Variants in RIT1 observed in about 807,000 individuals in gnomAD.
RIT1 encodes the protein Ras like without CAAX 1, also known as GTP-binding protein Rit1.
Under a neutral mutation model 25.6 loss-of-function variants are expected in RIT1, and 6 were observed. The observed-to-expected ratio is 0.23, with a 90% CI of 0.13 to 0.46. RIT1 has a LOEUF of 0.46. Ranked by LOEUF, RIT1 falls within the 20% of genes least tolerant of loss-of-function variation. RIT1 has a pLI of 0.99. For synonymous variants in RIT1, 81 were observed against 94.1 expected (o/e 0.86, Z 0.80); for missense variants, 219 against 284.4 (o/e 0.77, Z 1.65).
In RIT1 at chr1:155,900,152, C is replaced by T. The variant is rs756274380; in HGVS notation, c.*236G>A. 3.8e-5 allele frequency: 19 copies of T among 497,996 alleles called. No individual in the cohort carries two copies. Among genetic ancestry groups the T allele is most frequent in the Middle Eastern group, 5.2e-4 (1 of 1,926 alleles). 30.8% of individuals were successfully genotyped at this position (497,996 alleles called of 1,614,324 possible). A position where few individuals can be genotyped will look rare whatever the true frequency, so the allele number is the denominator to read the frequency against. On this transcript the variant is annotated 3_prime_UTR_variant, in exon 6 of 6. Transcript: ENST00000368323. The stretch of plus-strand genomic sequence containing the variant: ...ATTAATAGCGCAACAGAACCCAAAA[C>T]ATTGGTAGAACAAATTCTAATGTGA...
In RIT1 at chr1:155,910,378, T is replaced by C. The variant is rs188463470; in HGVS notation, c.163+72A>G. ...AAAAAAGCCTCAAAATATAAATAGT[T>C]AGAAACTACTGATATTCATTAAGAT... On this transcript the variant is annotated intron_variant, in intron 3 of 5. Transcript: ENST00000368323. The C allele has an allele frequency of 1.6e-4, 210 of 1,304,110 alleles. 2 individuals are homozygous for C. In the African/African-American group the frequency reaches 2.8e-3, roughly 17 times the overall value. The allele number at this position is 1,304,110 out of a possible 1,614,324, so 80.8% of individuals were successfully genotyped here. A position where few individuals can be genotyped will look rare whatever the true frequency, so the allele number is the denominator to read the frequency against.
chr1:155,902,290 GCTA>G (rs1195545822), intron 5 of RIT1, among the ~76,000 whole-genome samples: 1 of 151,162 alleles, frequency 6.6e-6, no homozygotes, highest in Middle Eastern at 3.2e-3. Context: ...TTCTACAAAT[GCTA>G]CTGAAAAAAA....
rs551536699 is a variant in RIT1 at position 155,898,295 on chromosome 1, T to A, written c.*2093A>T. 10 of 152,024 alleles carry A rather than the reference T, an allele frequency of 6.6e-5. No homozygotes were observed. The highest frequency in any genetic ancestry group is 2.4e-4 in the African/African-American group (10 of 41,434). The allele number at this position is 152,024 out of a possible 1,614,324, so 9.4% of individuals were successfully genotyped here. On this transcript the variant is annotated 3_prime_UTR_variant, in exon 6 of 6. Coordinates refer to ENST00000368323, the MANE Select transcript of RIT1 (RefSeq NM_006912.6). ...TAAAAACACCGATTTGTTATTTTCC[T>A]TATATATAATCCAAATTCCTTTCTA...
intron 3 of RIT1, among the ~76,000 whole-genome samples, chr1:155,907,403 C>G (rs1673467582): frequency 6.6e-6 from 1 of 152,048 alleles, no homozygotes; most frequent in Non-Finnish European, 1.5e-5. Flanking sequence ...GTAACACGCC[C>G]AGCTAATTTT....
chr1:155,900,104 T>C lies in RIT1; in HGVS notation c.*284A>G. 2.5e-6 allele frequency: 1 copy of C among 406,540 alleles called. No homozygotes were observed. Among genetic ancestry groups the C allele is most frequent in the Admixed American group, 4.2e-5 (1 of 23,694 alleles). 25.2% of individuals were successfully genotyped at this position (406,540 alleles called of 1,614,324 possible). A position where few individuals can be genotyped will look rare whatever the true frequency, so the allele number is the denominator to read the frequency against. ...AACACACATGGTATACATATTCTCC[T>C]GGGTATAAACAAATTTACATTAATT... is the stretch of plus-strand genomic sequence containing the variant. On this transcript the variant is annotated 3_prime_UTR_variant, in exon 6 of 6. Transcript: ENST00000368323.
At chr1:155,905,645 CATT>C (rs1272651918) in intron 3 of RIT1, among the ~76,000 whole-genome samples, 1 of 151,976 alleles carries the variant, frequency 6.6e-6, no homozygotes, top group East Asian at 1.9e-4. Context: ...ATGAAGTAGG[CATT>C]ATTACCTCCA....
chr1:155,904,406 G>A lies in RIT1; in HGVS notation c.334C>T (p.Arg112Cys), dbSNP rs375724784. ...CGATAAATAAGCTGTTTAAACTCAC[G>A]AACTTCATGGAAACTTCGACGATCC... ...ITDRRSFHEV[R>C]EFKQLIYRVR... is the part of the protein sequence containing the mutation. The change falls in exon 5 of 6, where the codon CGT becomes TGT. Residue 112 changes from arginine to cysteine, a missense_variant. Physicochemically the swap from Arg to Cys is radical, Grantham distance 180 (BLOSUM62 -3). This residue lies in a region of RIT1 where 131 missense variants were observed against 173.6 expected (regional missense o/e 0.75). Coordinates refer to ENST00000368323, the MANE Select transcript of RIT1 (RefSeq NM_006912.6). 8.7e-6 allele frequency: 14 copies of A among 1,613,750 alleles called. 1 individual carries two copies. The highest frequency in any genetic ancestry group is 5.5e-5 in the South Asian group (5 of 91,074).
chr1:155,904,272 G>C (rs1387892624), intron 5 of RIT1, 39 bp downstream of exon 5: 1 of 1,403,866 alleles, frequency 7.1e-7, no homozygotes, highest in Non-Finnish European at 9.9e-7. Context: ...ATGACTAATT[G>C]TATAAGATTA....
At chr1:155,908,589 G>A (rs1280948341) in intron 3 of RIT1, among the ~76,000 whole-genome samples, 29 of 141,182 alleles carry the variant, frequency 2.1e-4, no homozygotes, top group Non-Finnish European at 1.5e-5. Context: ...TGAGACAAAA[G>A]CTTGCTCTTA....
rs1263958407 is a variant in RIT1, at chr1:155,910,876, A to G, written c.-43-72T>C. On this transcript the variant is annotated intron_variant, in intron 1 of 5. Coordinates refer to ENST00000368323, the MANE Select transcript of RIT1 (RefSeq NM_006912.6). ...GCGACAGCCCTCAAGCCAGTGCCTT[A>G]CCTTTCCATACATATTCTGGCCTGT... The G allele has an allele frequency of 2.5e-6, 4 of 1,584,830 alleles. No individual in the cohort carries two copies. The East Asian group carries it at 9.3e-5, about 37-fold the overall frequency.
intron 3 of RIT1, among the ~76,000 whole-genome samples, chr1:155,908,028 C>A (rs1172411854): frequency 2.0e-5 from 3 of 151,036 alleles, no homozygotes; most frequent in Non-Finnish European, 2.9e-5. Flanking sequence ...GGGGGCGGAG[C>A]CTGCAGTGAG....
Position 155,900,253 on chromosome 1 carries a change from T to C in RIT1, c.*135A>G. On this transcript the variant is annotated 3_prime_UTR_variant, in exon 6 of 6. Transcript: ENST00000368323. ...AAGAGACAATACTTTAAATACCACATCATTAAAAACTCCTAGTAGGCATGT... is the reference window on the plus strand; with the variant it reads ...AAGAGACAATACTTTAAATACCACACCATTAAAAACTCCTAGTAGGCATGT... 1.5e-6 allele frequency: 1 copy of C among 662,308 alleles called. No individual in the cohort carries two copies. Among genetic ancestry groups the C allele is most frequent in the South Asian group, 1.9e-5 (1 of 53,736 alleles). 41.0% of individuals were successfully genotyped at this position (662,308 alleles called of 1,614,324 possible).
rs886041962 is a variant in RIT1, at chr1:155,904,436, T to C, written c.304A>G (p.Ile102Val). Residue 102 changes from isoleucine (I) to valine (V), a missense_variant, in exon 5 of 6, where the codon ATC becomes GTC. Around this residue, in one of 3 missense-constraint regions of RIT1, gnomAD observed 131 missense variants for 173.6 expected, o/e 0.75. Transcript: ENST00000368323. Reference sequence around the variant, plus strand: ...TCATGGAAACTTCGACGATCCGTGATAGAGTAACAGATGATAAACCCTTCT... The same window carrying C: ...TCATGGAAACTTCGACGATCCGTGACAGAGTAACAGATGATAAACCCTTCT... Reference protein sequence around the residue: ...AGEGFIICYSITDRRSFHEVR... With the variant: ...AGEGFIICYSVTDRRSFHEVR... 1 of 1,614,084 alleles carries C rather than the reference T, an allele frequency of 6.2e-7. No individual in the cohort carries two copies. Among genetic ancestry groups the C allele is most frequent in the Admixed American group, 1.7e-5 (1 of 60,014 alleles).
At position 155,903,650 on chromosome 1, in the gene RIT1, T is replaced by C. The variant is rs1054938203; in HGVS notation, c.429+661A>G. ...ATAGTCTTGCAATGAACATGTTATA[T>C]ATAAATCCCTATAAATTTTTTCCAA... On this transcript the variant is annotated intron_variant, in intron 5 of 5. Coordinates refer to ENST00000368323, the MANE Select transcript of RIT1 (RefSeq NM_006912.6). 2.6e-5 allele frequency among the ~76,000 whole-genome samples: 4 copies of C among 152,148 alleles called. 1 individual carries two copies. The highest frequency in any genetic ancestry group is 2.6e-4 in the Admixed American group (4 of 15,260).
intron 1 of RIT1, 133 bp downstream of exon 1, chr1:155,911,110 G>C: frequency 6.6e-6 from 4 of 609,286 alleles, no homozygotes; most frequent in Non-Finnish European, 1.1e-5. Context: ...GGAAGAAAGG[G>C]ATGCGGCCCC....
intron 3 of RIT1, among the ~76,000 whole-genome samples, chr1:155,907,624 T>G (rs1440416587): frequency 6.6e-6 from 1 of 152,190 alleles, no homozygotes; most frequent in African/African-American, 2.4e-5. Flanking sequence ...GAGCTTGAAA[T>G]CAAATGCACT....
At chr1:155,910,211 C>A in intron 3 of RIT1, 1 of 508,014 alleles carries the variant, frequency 2.0e-6, no homozygotes, top group Non-Finnish European at 3.5e-6. Context: ...AAAAATACAA[C>A]AAAGAGAGTT....
chr1:155,907,311 C>A (rs936483589), intron 3 of RIT1, among the ~76,000 whole-genome samples: 2 of 150,860 alleles, frequency 1.3e-5, no homozygotes, highest in East Asian at 3.9e-4. Flanking sequence ...GCAATCTCGG[C>A]TCACTGCAAC....
rs1291926355 is a variant in RIT1 at position 155,899,043 on chromosome 1, A to G, written c.*1345T>C. Reference sequence around the variant, plus strand: ...ACACTTAATATTCAATACATGATGCATTACTCTTAGCATTTTTGCATTTAC... The same window carrying G: ...ACACTTAATATTCAATACATGATGCGTTACTCTTAGCATTTTTGCATTTAC... On this transcript the variant is annotated 3_prime_UTR_variant, in exon 6 of 6. Transcript: ENST00000368323. 1 of 208,648 alleles carries G rather than the reference A, an allele frequency of 4.8e-6. No individual in the cohort carries two copies. Among genetic ancestry groups the G allele is most frequent in the Non-Finnish European group, 9.8e-6 (1 of 102,428 alleles). 12.9% of individuals were successfully genotyped at this position (208,648 alleles called of 1,614,324 possible).
Sources: allele counts gnomAD v4.1 joint callset (sites outside exome capture counted in the v4.1 genomes callset), GRCh38; gene constraint gnomAD v4.1.1; regional missense constraint gnomAD v4.1.1; transcripts MANE v1.5; gene names NCBI Gene and HGNC (gene_info 2026-07-23, HGNC 2026-07-21).